Variants in B4GALT4 observed in about 807,000 individuals in gnomAD.
The protein encoded by B4GALT4 is beta-1,4-galactosyltransferase 4, also known as N-acetyllactosamine synthase.
A neutral mutation model predicts 37.3 loss-of-function variants in B4GALT4; 27 were observed. The ratio of observed to expected loss-of-function variants is 0.72; its 90% CI spans 0.53 to 1.00. The LOEUF is 1.00. B4GALT4 is among the 50% of genes least tolerant of loss of function. B4GALT4 has a pLI of 0.00. For synonymous variants in B4GALT4, 148 were observed against 154.1 expected, an observed-to-expected ratio of 0.96 and a Z score of 0.29; for missense variants, 372 against 413.1, an observed-to-expected ratio of 0.90 and a Z score of 0.86.
chr3:119,231,363 T>C (rs1052845949), intron 2 of B4GALT4, among the ~76,000 whole-genome samples: 1 of 152,332 alleles, frequency 6.6e-6, no homozygotes. Flanking sequence ...CCTCTCTGTG[T>C]GGACAAATCA....
At chr3:119,218,560 C>T (rs1294671952) in intron 6 of B4GALT4, 90 bp downstream of exon 6, 2 of 1,556,496 alleles carry the variant, frequency 1.3e-6, no homozygotes, top group African/African-American at 2.7e-5. Flanking sequence ...ACCTGCTGGA[C>T]TGGCATCTAA....
At chr3:119,225,924 C>A (rs1323422196) in intron 4 of B4GALT4, among the ~76,000 whole-genome samples, 1 of 152,130 alleles carries the variant, frequency 6.6e-6, no homozygotes, top group East Asian at 1.9e-4. Context: ...TTTTCAAGAG[C>A]CTCAGTTTAT....
rs549351227 is a variant in B4GALT4 at position 119,235,967 on chromosome 3, GA to G, written c.-146+885del. ...CCAACTAGTAAGAAAGTGAGCGATG[GA>G]AAAAAAATCACTCTCAGCAAACACC... On this transcript the variant is annotated intron_variant, in intron 2 of 7. Transcript: ENST00000393765. Among the ~76,000 whole-genome samples, 78 of 152,010 alleles carry G rather than the reference GA, an allele frequency of 5.1e-4. 2 individuals carry two copies. The East Asian group carries it at 0.014, about 27-fold the overall frequency.
intron 4 of B4GALT4, 112 bp from the exon 5 acceptor site, chr3:119,224,357 A>T: frequency 1.5e-6 from 1 of 669,082 alleles, no homozygotes; most frequent in South Asian, 3.6e-5. Flanking sequence ...TACGCACGAG[A>T]CTACACTTGT....
intron 2 of B4GALT4, among the ~76,000 whole-genome samples, chr3:119,236,535 T>C (rs2078991615): frequency 1.3e-5 from 2 of 152,208 alleles, no homozygotes; most frequent in Admixed American, 1.3e-4. Context: ...CAAATGATAG[T>C]AAATTAACTT....
chr3:119,222,805 C>T (rs1472668268), intron 5 of B4GALT4, among the ~76,000 whole-genome samples: 1 of 152,150 alleles, frequency 6.6e-6, no homozygotes, highest in Admixed American at 6.5e-5. Context: ...AGCTTTAAAC[C>T]CTTCCCTTCA....
At chr3:119,224,311 G>A in intron 4 of B4GALT4, 66 bp from the exon 5 acceptor site, 1 of 1,311,186 alleles carries the variant, frequency 7.6e-7, no homozygotes, top group Non-Finnish European at 1.0e-6. Context: ...TTGCCTCTTA[G>A]TTAGGATTCA....
chr3:119,223,181 T>C (rs1048637142), intron 5 of B4GALT4, among the ~76,000 whole-genome samples: 4 of 152,232 alleles, frequency 2.6e-5, no homozygotes, highest in African/African-American at 9.6e-5. Context: ...AAATGCAAAA[T>C]TAACGCAACT....
intron 1 of B4GALT4, among the ~76,000 whole-genome samples, chr3:119,237,541 G>A (rs1335639986): frequency 6.6e-6 from 1 of 152,176 alleles, no homozygotes; most frequent in African/African-American, 2.4e-5. Flanking sequence ...CAGCCTCTAG[G>A]ACTCAGAAAA....
rs543617450 is a variant in B4GALT4 at position 119,211,989 on chromosome 3, C to T, written c.*560G>A. ...TGCTGCCTTTGCAGCCGACACTCCA[C>T]CCTCCTGCTACCTCTTCATTCCCAA... is the stretch of plus-strand genomic sequence containing the variant. On this transcript the variant is annotated 3_prime_UTR_variant, in exon 8 of 8. Coordinates refer to ENST00000393765, the MANE Select transcript of B4GALT4 (RefSeq NM_003778.4). 3 of 586,226 alleles carry T rather than the reference C, an allele frequency of 5.1e-6. No individual in the cohort carries two copies. In the South Asian group the frequency reaches 6.7e-5, roughly 13 times the overall value. 36.3% of individuals were successfully genotyped at this position (586,226 alleles called of 1,614,324 possible).
intron 4 of B4GALT4, 92 bp from the exon 5 acceptor site, chr3:119,224,337 C>A: frequency 1.1e-6 from 1 of 903,796 alleles, no homozygotes; most frequent in Non-Finnish European, 1.6e-6. Flanking sequence ...TGGTATTATT[C>A]TAATTATTCT....
chr3:119,231,398 G>A (rs182431470), intron 2 of B4GALT4, among the ~76,000 whole-genome samples: 90 of 152,236 alleles, frequency 5.9e-4, no homozygotes, highest in Middle Eastern at 3.4e-3. Flanking sequence ...TTCTAAACAT[G>A]TTCTCAGAAG....
At chr3:119,224,266 A>G in intron 4 of B4GALT4, 21 bp from the exon 5 acceptor site, 1 of 1,557,442 alleles carries the variant, frequency 6.4e-7, no homozygotes, top group Non-Finnish European at 8.7e-7. Flanking sequence ...GAAAATTAAA[A>G]CTTGAAAAGC....
rs774387366 is a variant in B4GALT4 at position 119,216,275 on chromosome 3, G to A, written c.867C>T (p.His289=). The change falls in exon 7 of 8, where the codon CAC becomes CAT. Residue 289 remains histidine, a synonymous_variant. Transcript: ENST00000393765. ...TCACCTCATTGCCTTTGTCTCTAGT[G>A]TGGAAGACCATTGTATATTTACCCA... ...PEVGKYTMVF[H]TRDKGNEVNA... is the part of the protein sequence containing the mutation. 1 of 1,613,890 alleles carries A rather than the reference G, an allele frequency of 6.2e-7. No individual in the cohort carries two copies. Among genetic ancestry groups the A allele is most frequent in the South Asian group, 1.1e-5 (1 of 91,016 alleles).
intron 5 of B4GALT4, among the ~76,000 whole-genome samples, chr3:119,219,369 CAG>C (rs1195256513): frequency 6.6e-6 from 1 of 152,190 alleles, no homozygotes; most frequent in Non-Finnish European, 1.5e-5. Context: ...GCCAACCAGA[CAG>C]AGTCTAGGTA....
chr3:119,213,885 G>C (rs1198797186), intron 7 of B4GALT4: 1 of 152,096 alleles, frequency 6.6e-6, no homozygotes, highest in Non-Finnish European at 1.5e-5. Context: ...TGTTGGAGTG[G>C]TTGACTCTAC....
Position 119,212,683 on chromosome 3 carries a change from T to C in B4GALT4, c.903-2A>G, listed in dbSNP as rs747321523. On this transcript the variant is annotated splice_acceptor_variant, in intron 7 of 7. Transcript: ENST00000393765. LOFTEE classifies it high-confidence loss of function. ...GACACTTGGTGTAAGAGCTTCATCCTAAAGATAAAAAGAACAAATGTGAAT... is the reference window on the plus strand; with the variant it reads ...GACACTTGGTGTAAGAGCTTCATCCCAAAGATAAAAAGAACAAATGTGAAT... 2.5e-6 allele frequency: 4 copies of C among 1,587,906 alleles called. No homozygotes were observed. Among genetic ancestry groups the C allele is most frequent in the Non-Finnish European group, 3.4e-6 (4 of 1,172,154 alleles).
rs1055273361 is a variant in B4GALT4 at position 119,230,006 on chromosome 3, T to C, written c.94A>G (p.Asn32Asp). Residue 32 changes from asparagine (N) to aspartate (D), a missense_variant, in exon 3 of 8, where the codon AAC (asparagine) becomes GAC (aspartate). By Grantham distance (23) the Asn-to-Asp change is conservative. Transcript: ENST00000393765. ...CLTVVGWATS[N>D]YFVGAIQEIP... ...TCTTGAATGGCACCCACGAAGTAGT[T>C]ACTGGTGGCCCACCCAACCACTGTC... is the stretch of plus-strand genomic sequence containing the variant. 3 of 1,614,188 alleles carry C rather than the reference T, an allele frequency of 1.9e-6. No homozygotes were observed. The highest frequency in any genetic ancestry group is 2.5e-6 in the Non-Finnish European group (3 of 1,180,036).
Position 119,218,643 on chromosome 3 carries a change from T to A in B4GALT4, c.797+7A>T. ...CCCCGTGAAGGGGACCTTTCTCTGTTGTTCACCTGAGTCTGAGGTCATCGT... is the reference window on the plus strand; with the variant it reads ...CCCCGTGAAGGGGACCTTTCTCTGTAGTTCACCTGAGTCTGAGGTCATCGT... On this transcript the variant is annotated splice_region_variant and intron_variant, in intron 6 of 7. Coordinates refer to ENST00000393765, the MANE Select transcript of B4GALT4 (RefSeq NM_003778.4). 6.2e-7 allele frequency: 1 copy of A among 1,614,148 alleles called. No individual in the cohort carries two copies. The highest frequency in any genetic ancestry group is 8.5e-7 in the Non-Finnish European group (1 of 1,180,014).
Sources: allele counts gnomAD v4.1 joint callset (sites outside exome capture counted in the v4.1 genomes callset), GRCh38; gene constraint gnomAD v4.1.1; transcripts MANE v1.5; gene names NCBI Gene and HGNC (gene_info 2026-07-23, HGNC 2026-07-21).